Variants in OTUD4 observed in about 807,000 individuals in gnomAD.
OTUD4 encodes the protein OTU deubiquitinase 4, also known as OTU domain-containing protein 4.
Under a neutral mutation model 130.4 loss-of-function variants are expected in OTUD4, and 24 were observed. The observed-to-expected ratio is 0.18, with a 90% confidence interval of 0.13 to 0.26. The LOEUF is 0.26. Ranked by LOEUF, OTUD4 falls within the 10% of genes least tolerant of loss-of-function variation. OTUD4 has a pLI of 1.00. For missense variants in OTUD4, 1,031 were observed against 1,329.4 expected (o/e 0.78, Z 3.49); for synonymous variants, 420 against 472.5 (o/e 0.89, Z 1.44).
Position 145,143,455 on chromosome 4 carries a change from C to G in OTUD4, c.1603-10G>C. On this transcript the variant is annotated splice_polypyrimidine_tract_variant and intron_variant, in intron 16 of 20. Coordinates refer to ENST00000447906, the MANE Select transcript of OTUD4 (RefSeq NM_001366057.1). ...TATCATCAGTAATATTCTTTGGAAG[C>G]AAAAAAGAAGCAAAGTTTTGTATTT... 3 of 1,569,372 alleles carry G rather than the reference C, an allele frequency of 1.9e-6. No homozygotes were observed. Among genetic ancestry groups the G allele is most frequent in the Non-Finnish European group, 2.6e-6 (3 of 1,147,582 alleles).
At position 145,162,666 on chromosome 4, in the gene OTUD4, T is replaced by C. The variant is rs750982834; in HGVS notation, c.470A>G (p.Tyr157Cys). The C allele has an allele frequency of 2.6e-6, 4 of 1,554,830 alleles. No individual in the cohort carries two copies. Among genetic ancestry groups the C allele is most frequent in the Admixed American group, 3.6e-5 (2 of 55,738 alleles). ...NHYDIVYPIKYKESSAMCQSL... is the reference protein window; with the variant it reads ...NHYDIVYPIKCKESSAMCQSL... ...CTGACACATAGCAGAGCTTTCTTTA[T>C]ACTTTATGGGATACACAATATCATA... The change falls in exon 6 of 21, where the codon TAT (tyrosine) becomes TGT (cysteine). Residue 157 changes from tyrosine to cysteine, a missense_variant. Transcript: ENST00000447906.
At chr4:145,153,972 G>A (rs1020993345) in intron 10 of OTUD4, among the ~76,000 whole-genome samples, 1 of 152,164 alleles carries the variant, frequency 6.6e-6, no homozygotes, top group African/African-American at 2.4e-5. Context: ...GAATGGTCAA[G>A]TAGTACAGAT....
intron 6 of OTUD4, among the ~76,000 whole-genome samples, chr4:145,161,910 T>C (rs1462624487): frequency 6.6e-6 from 1 of 152,136 alleles, no homozygotes; most frequent in Non-Finnish European, 1.5e-5. Context: ...GAAAAAAAAG[T>C]TGGTATTTAC....
chr4:145,168,068 T>C (rs969098623), intron 3 of OTUD4, among the ~76,000 whole-genome samples: 7 of 152,172 alleles, frequency 4.6e-5, no homozygotes, highest in Non-Finnish European at 8.8e-5. Flanking sequence ...TCTAACACTG[T>C]AATTTTACTT....
Position 145,174,695 on chromosome 4 carries a change from T to C in OTUD4, c.209A>G (p.His70Arg). 2.5e-6 allele frequency: 4 copies of C among 1,609,384 alleles called. No individual in the cohort carries two copies. The highest frequency in any genetic ancestry group is 3.4e-6 in the Non-Finnish European group (4 of 1,175,720). ...TTTCTCTCTGTTCTCTCGAAGATAG[T>C]GAATACAGGCCATTCTGACTTCAAC... ...RHVEVRMACI[H>R]YLRENREKFE... The change falls in exon 2 of 21, where the codon CAC becomes CGC. Residue 70 changes from histidine to arginine, a missense_variant. His to Arg is a conservative substitution (Grantham distance 29). Coordinates refer to ENST00000447906, the MANE Select transcript of OTUD4 (RefSeq NM_001366057.1).
chr4:145,146,886 A>G (rs962837566), intron 13 of OTUD4, among the ~76,000 whole-genome samples: 7 of 152,186 alleles, frequency 4.6e-5, no homozygotes, highest in African/African-American at 1.7e-4. Context: ...CAATGGTCCA[A>G]TGAGACACTA....
intron 7 of OTUD4, among the ~76,000 whole-genome samples, chr4:145,157,238 T>C (rs1751337462): frequency 6.6e-6 from 1 of 152,244 alleles, no homozygotes; most frequent in African/African-American, 2.4e-5. Flanking sequence ...TGTTGAGATG[T>C]AGGCTGATAT....
At chr4:145,162,108 G>A (rs573176142) in intron 6 of OTUD4, among the ~76,000 whole-genome samples, 4 of 152,240 alleles carry the variant, frequency 2.6e-5, no homozygotes, top group Non-Finnish European at 4.4e-5. Context: ...AAGTAGTTGG[G>A]ACCACAGGCA....
chr4:145,179,628 C>G (rs1752594110), intron 1 of OTUD4, 187 bp downstream of exon 1: 1 of 1,393,614 alleles, frequency 7.2e-7, no homozygotes. Context: ...TTTCGAGTTT[C>G]AATTTGCACC....
At chr4:145,176,140 C>T (rs1752410831) in intron 1 of OTUD4, among the ~76,000 whole-genome samples, 1 of 151,502 alleles carries the variant, frequency 6.6e-6, no homozygotes, top group African/African-American at 2.4e-5. Flanking sequence ...AGGTGATCTG[C>T]CCGCCTGGGC....
At chr4:145,176,061 C>G (rs896735261) in intron 1 of OTUD4, among the ~76,000 whole-genome samples, 5 of 146,798 alleles carry the variant, frequency 3.4e-5, no homozygotes, top group African/African-American at 1.3e-4. Flanking sequence ...TTTTCCGGCT[C>G]ATTTTTCTAT....
Position 145,134,787 on chromosome 4 carries a change from G to A in OTUD4, c.*2643C>T, listed in dbSNP as rs1256426872. Reference sequence around the variant, plus strand: ...GAAGAGACATACACAACACCAAAGGGAAAAGGGGGCTGGAATCAAGTTCAG... The same window carrying A: ...GAAGAGACATACACAACACCAAAGGAAAAAGGGGGCTGGAATCAAGTTCAG... On this transcript the variant is annotated 3_prime_UTR_variant, in exon 21 of 21. Transcript: ENST00000447906. 2 of 398,854 alleles carry A rather than the reference G, an allele frequency of 5.0e-6. No homozygotes were observed. The highest frequency in any genetic ancestry group is 8.8e-6 in the Non-Finnish European group (2 of 226,024). The allele number at this position is 398,854 out of a possible 1,614,324, so 24.7% of individuals were successfully genotyped here.
chr4:145,141,571 A>T lies in OTUD4; in HGVS notation c.1891T>A (p.Ser631Thr), dbSNP rs201743316. 1 of 1,604,114 alleles carries T rather than the reference A, an allele frequency of 6.2e-7. No individual in the cohort carries two copies. The highest frequency in any genetic ancestry group is 8.5e-7 in the Non-Finnish European group (1 of 1,174,642). ...GGAGAGGGTGTTAAATGAGCTTGGG[A>T]TACAGCTGAATCAGGTCCAGTGGTC... ...TLTTGPDSAV[S>T]QAHLTPSPVP... The change falls in exon 19 of 21, where the codon TCC becomes ACC. Residue 631 changes from serine to threonine, a missense_variant. Ser to Thr is a moderately conservative substitution (Grantham distance 58, BLOSUM62 1). This residue lies in a region of OTUD4 where 900 missense variants were observed against 1,095.9 expected (regional missense o/e 0.82). Transcript: ENST00000447906.
At chr4:145,173,768 T>C (rs916441781) in intron 2 of OTUD4, among the ~76,000 whole-genome samples, 3 of 152,348 alleles carry the variant, frequency 2.0e-5, no homozygotes, top group South Asian at 4.1e-4. Flanking sequence ...CTGTAAGACT[T>C]TGAATGTAAA....
intron 10 of OTUD4, among the ~76,000 whole-genome samples, chr4:145,152,882 G>A (rs1435309182): frequency 7.3e-6 from 1 of 137,774 alleles, no homozygotes; most frequent in African/African-American, 3.0e-5. Context: ...CACCACACTC[G>A]GCTTTTTTTT....
At chr4:145,152,713 C>A in intron 10 of OTUD4, 78 bp from the exon 11 acceptor site, 1 of 786,520 alleles carries the variant, frequency 1.3e-6, no homozygotes, top group Non-Finnish European at 2.1e-6. Flanking sequence ...CAGTTTTTTG[C>A]GGTTCTTTTT....
chr4:145,180,546 C>G lies in OTUD4; in HGVS notation c.-573G>C, dbSNP rs1752646524. 6.6e-6 allele frequency among the ~76,000 whole-genome samples: 1 copy of G among 152,222 alleles called. No homozygotes were observed. The highest frequency in any genetic ancestry group is 2.4e-5 in the African/African-American group (1 of 41,462). On this transcript the variant is annotated 5_prime_UTR_variant, in exon 1 of 21. Transcript: ENST00000447906. ...CCGGGAGAGAACAGCACCTCGCAGC[C>G]CAGAATTTGTTTTCGCTTTCGGCCC...
chr4:145,157,353 C>A (rs1751342363), intron 7 of OTUD4, among the ~76,000 whole-genome samples: 1 of 152,098 alleles, frequency 6.6e-6, no homozygotes, highest in African/African-American at 2.4e-5. Flanking sequence ...TGGGTGGTTT[C>A]CCCCATGCTG....
At chr4:145,173,023 T>A (rs981515785) in intron 2 of OTUD4, among the ~76,000 whole-genome samples, 1 of 152,226 alleles carries the variant, frequency 6.6e-6, no homozygotes, top group Admixed American at 6.5e-5. Context: ...CAACTGAAAC[T>A]GCTTGAAGGT....
Sources: allele counts gnomAD v4.1 joint callset (sites outside exome capture counted in the v4.1 genomes callset), GRCh38; gene constraint gnomAD v4.1.1; regional missense constraint gnomAD v4.1.1; transcripts MANE v1.5; gene names NCBI Gene and HGNC (gene_info 2026-07-23, HGNC 2026-07-21).